Variants in IQCM observed in about 807,000 individuals in gnomAD.
IQCM encodes the protein IQ domain-containing protein M.
IQCM carries 45 observed loss-of-function variants against 57.6 expected under a neutral mutation model. The ratio of observed to expected loss-of-function variants is 0.78; its 90% CI spans 0.62 to 1.00. The LOEUF (loss-of-function observed/expected upper bound fraction) is 1.00. Ranked by LOEUF, IQCM falls within the 50% of genes least tolerant of loss-of-function variation. IQCM has a pLI of 0.00. For synonymous variants in IQCM, 148 were observed against 158.9 expected (o/e 0.93, Z 0.51); for missense variants, 468 against 511.6 (o/e 0.91, Z 0.82).
chr4:149,610,070 A>C (rs1561055876), intron 8 of IQCM, among the ~76,000 whole-genome samples: 1 of 152,000 alleles, frequency 6.6e-6, no homozygotes, highest in South Asian at 2.1e-4. Flanking sequence ...AATCAGTAGC[A>C]TGTTTATATG....
intron 7 of IQCM, among the ~76,000 whole-genome samples, chr4:149,660,691 A>G (rs565691396): frequency 6.6e-6 from 1 of 152,244 alleles, no homozygotes; most frequent in South Asian, 2.1e-4. Flanking sequence ...AGGGACATGG[A>G]TGAAATTGGA....
intron 10 of IQCM, among the ~76,000 whole-genome samples, chr4:149,555,885 C>T (rs1749533636): frequency 6.6e-6 from 1 of 152,152 alleles, no homozygotes; most frequent in African/African-American, 2.4e-5. Flanking sequence ...GGAACACAAC[C>T]TATCTTCTAA....
Position 149,733,225 on chromosome 4 carries a change from C to T in IQCM, c.385+19G>A. Reference sequence around the variant, plus strand: ...TGTCCGTGAGTTTGCTGAATTTCTTCACTCCACCAAAAACTTACCTTTTGT... The same window carrying T: ...TGTCCGTGAGTTTGCTGAATTTCTTTACTCCACCAAAAACTTACCTTTTGT... On this transcript the variant is annotated intron_variant, in intron 5 of 13. Coordinates refer to ENST00000636793, the MANE Select transcript of IQCM (RefSeq NM_001363507.2). The T allele has an allele frequency of 1.6e-6, 2 of 1,231,326 alleles. No individual in the cohort carries two copies. The highest frequency in any genetic ancestry group is 4.1e-5 in the South Asian group (1 of 24,278). The allele number at this position is 1,231,326 out of a possible 1,614,324, so 76.3% of individuals were successfully genotyped here. A position where few individuals can be genotyped will look rare whatever the true frequency, so the allele number is the denominator to read the frequency against.
intron 7 of IQCM, among the ~76,000 whole-genome samples, chr4:149,633,495 T>G (rs1757470283): frequency 6.6e-6 from 1 of 152,180 alleles, no homozygotes; most frequent in Non-Finnish European, 1.5e-5. Flanking sequence ...TTATTACTAA[T>G]AATTGAAAAT....
At chr4:149,724,389 A>G in intron 5 of IQCM, among the ~76,000 whole-genome samples, 1 of 152,036 alleles carries the variant, frequency 6.6e-6, no homozygotes, top group East Asian at 1.9e-4. Context: ...AAGCATTATT[A>G]CAATTTATTA....
chr4:149,613,034 G>C (rs1222165453), intron 8 of IQCM, among the ~76,000 whole-genome samples: 1 of 151,870 alleles, frequency 6.6e-6, no homozygotes, highest in African/African-American at 2.4e-5. Flanking sequence ...CCCAAAATTA[G>C]GAAATCATAT....
chr4:149,379,927 G>A (rs112333790), intron 13 of IQCM, among the ~76,000 whole-genome samples: 6 of 152,210 alleles, frequency 3.9e-5, no homozygotes, highest in African/African-American at 1.4e-4. Flanking sequence ...TGAATCAAGG[G>A]GGTGGTTCCC....
At chr4:149,568,207 G>A (rs1419730577) in intron 9 of IQCM, among the ~76,000 whole-genome samples, 1 of 152,064 alleles carries the variant, frequency 6.6e-6, no homozygotes, top group Non-Finnish European at 1.5e-5. Flanking sequence ...ACTCCTTCTG[G>A]GTAGTGGCTC....
At chr4:149,521,328 G>A (rs779608667) in intron 12 of IQCM, among the ~76,000 whole-genome samples, 14 of 152,042 alleles carry the variant, frequency 9.2e-5, no homozygotes, top group Admixed American at 1.3e-4. Context: ...CAAGGTAAGC[G>A]GAAGGGAGGG....
chr4:149,623,718 GGTGTGTGTGTGTGT>G (rs3057342), intron 7 of IQCM, among the ~76,000 whole-genome samples: 4 of 145,998 alleles, frequency 2.7e-5, no homozygotes, highest in Admixed American at 6.9e-5. Flanking sequence ...CTGAATCCCA[GGTGTGTGTGTGTGT>G]GTGTGTGTGT....
At chr4:149,738,610 G>A (rs1000985451) in intron 3 of IQCM, among the ~76,000 whole-genome samples, 2 of 152,130 alleles carry the variant, frequency 1.3e-5, no homozygotes, top group Non-Finnish European at 2.9e-5. Flanking sequence ...CTTACAGTCA[G>A]GCCATGAGAT....
chr4:149,582,033 C>T (rs542998640), intron 9 of IQCM, among the ~76,000 whole-genome samples: 73 of 151,216 alleles, frequency 4.8e-4, no homozygotes, highest in Non-Finnish European at 1.5e-4. Flanking sequence ...TAATACAACA[C>T]CGCCATTTTG....
intron 7 of IQCM, among the ~76,000 whole-genome samples, chr4:149,648,236 T>C (rs958349): frequency 0.2 from 29,897 of 152,138 alleles, 3,375 homozygotes; most frequent in South Asian, 0.33. Context: ...CATTGGTTTT[T>C]GTACCTTTTG....
At chr4:149,400,757 T>C (rs761936717) in intron 13 of IQCM, among the ~76,000 whole-genome samples, 1 of 151,884 alleles carries the variant, frequency 6.6e-6, no homozygotes, top group Non-Finnish European at 1.5e-5. Flanking sequence ...TATTAAAAAG[T>C]TTAACATGAT....
At chr4:149,622,551 G>A (rs1756444637) in intron 7 of IQCM, among the ~76,000 whole-genome samples, 1 of 152,084 alleles carries the variant, frequency 6.6e-6, no homozygotes, top group Non-Finnish European at 1.5e-5. Context: ...CACAGTGTTA[G>A]CCAGGATGGT....
chr4:149,809,599 A>G (rs1230705650), intron 2 of IQCM, among the ~76,000 whole-genome samples: 2 of 152,236 alleles, frequency 1.3e-5, no homozygotes, highest in South Asian at 4.1e-4. Context: ...GTAATTTCAA[A>G]ACATAAAAGT....
chr4:149,548,503 A>T lies in IQCM; in HGVS notation c.1180T>A (p.Phe394Ile). The change falls in exon 12 of 14, where the codon TTC becomes ATC. Residue 394 changes from phenylalanine (F) to isoleucine (I), a missense_variant. By Grantham distance (21) the Phe-to-Ile change is conservative (BLOSUM62 0). Coordinates refer to ENST00000636793, the MANE Select transcript of IQCM (RefSeq NM_001363507.2). Reference sequence around the variant, plus strand: ...TCATCAACTTGTTTCTGAGTTGGGAAATGACCACAGTCACTGAAGAAATTG... The same window carrying T: ...TCATCAACTTGTTTCTGAGTTGGGATATGACCACAGTCACTGAAGAAATTG... ...LPNFFSDCGHFPTQKQVDDTW... is the reference protein window; with the variant it reads ...LPNFFSDCGHIPTQKQVDDTW... 6 of 1,231,962 alleles carry T rather than the reference A, an allele frequency of 4.9e-6. No individual in the cohort carries two copies. Among genetic ancestry groups the T allele is most frequent in the Non-Finnish European group, 6.1e-6 (6 of 987,848 alleles). The allele number at this position is 1,231,962 out of a possible 1,614,324, so 76.3% of individuals were successfully genotyped here.
intron 12 of IQCM, among the ~76,000 whole-genome samples, chr4:149,480,096 ATT>A (rs1199159870): frequency 6.6e-6 from 1 of 152,192 alleles, no homozygotes; most frequent in Non-Finnish European, 1.5e-5. Flanking sequence ...CATCATAAGC[ATT>A]GTTAATTAAT....
intron 5 of IQCM, among the ~76,000 whole-genome samples, chr4:149,687,712 C>T (rs988575075): frequency 6.6e-6 from 1 of 151,902 alleles, no homozygotes; most frequent in African/African-American, 2.4e-5. Context: ...AAAATACTAG[C>T]TAACTGAGTC....
Sources: allele counts gnomAD v4.1 joint callset (sites outside exome capture counted in the v4.1 genomes callset), GRCh38; gene constraint gnomAD v4.1.1; transcripts MANE v1.5; gene names NCBI Gene and HGNC (gene_info 2026-07-23, HGNC 2026-07-21).